CTNNA2: variants seen among roughly 807,000 people sequenced by gnomAD.
CTNNA2 encodes the protein catenin alpha 2, also known as catenin alpha-2.
In CTNNA2, 42 loss-of-function variants were observed where a neutral mutation model predicts 101.0. The ratio of observed to expected loss-of-function variants is 0.42; its 90% CI spans 0.32 to 0.54. The LOEUF (loss-of-function observed/expected upper bound fraction) is 0.54, where lower values mean the gene tolerates loss of function less well. Among genes scored for constraint, CTNNA2 ranks in the 20% least tolerant of loss-of-function variants. The pLI is 0.14. For synonymous variants in CTNNA2, 450 were observed against 456.4 expected, an observed-to-expected ratio of 0.99 and a Z score of 0.18; for missense variants, 871 against 1,223.1, an observed-to-expected ratio of 0.71 and a Z score of 4.29.
chr2:79,819,049 G>A (rs1221535347), intron 3 of CTNNA2, among the ~76,000 whole-genome samples: 2 of 149,360 alleles, frequency 1.3e-5, no homozygotes, highest in African/African-American at 5.0e-5. Flanking sequence ...GTATGATCTC[G>A]GTTCACTGCA....
chr2:79,668,026 G>C (rs932211285), intron 2 of CTNNA2, among the ~76,000 whole-genome samples: 3 of 150,274 alleles, frequency 2.0e-5, no homozygotes, highest in East Asian at 2.2e-4. Flanking sequence ...GGATCATGAG[G>C]TCAGGAGATC....
chr2:79,762,582 G>GA (rs923745920), intron 3 of CTNNA2, among the ~76,000 whole-genome samples: 1 of 151,798 alleles, frequency 6.6e-6, no homozygotes, highest in Non-Finnish European at 1.5e-5. Context: ...ATAAGTAATA[G>GA]AAAAAAAATT....
intron 4 of CTNNA2, among the ~76,000 whole-genome samples, chr2:79,405,568 TG>T (rs1295400474): frequency 3.9e-5 from 6 of 151,924 alleles, no homozygotes; most frequent in African/African-American, 1.4e-4. Context: ...TCAAGTGATC[TG>T]CCCACCTCAG....
At chr2:79,936,266 T>C (rs1040421825) in intron 7 of CTNNA2, among the ~76,000 whole-genome samples, 2 of 151,080 alleles carry the variant, frequency 1.3e-5, no homozygotes, top group African/African-American at 4.9e-5. Flanking sequence ...TTTTTCTCTG[T>C]AGTCACCCAG....
In CTNNA2 at chr2:79,302,343, T is replaced by C. The variant is rs552748432; in HGVS notation, c.-405-10366T>C. On this transcript the variant is annotated intron_variant, in intron 2 of 21. Transcript: ENST00000466387. ...GCTCCTTTTGCTTGGAGTGGCCATT[T>C]GCCTTTCTCAGTGTTTAAGGTCAAA... Among the ~76,000 whole-genome samples, 3 of 152,196 alleles carry C rather than the reference T, an allele frequency of 2.0e-5. No homozygotes were observed. The South Asian group carries it at 6.2e-4, about 32-fold the overall frequency.
chr2:79,360,518 T>C (rs776170062), intron 3 of CTNNA2, among the ~76,000 whole-genome samples: 2 of 152,140 alleles, frequency 1.3e-5, no homozygotes, highest in Non-Finnish European at 2.9e-5. Flanking sequence ...ATGGAAGCAT[T>C]TGGACTTATT....
At chr2:80,485,550 T>G (rs1006148696) in intron 9 of CTNNA2, among the ~76,000 whole-genome samples, 1 of 152,180 alleles carries the variant, frequency 6.6e-6, no homozygotes, top group Non-Finnish European at 1.5e-5. Flanking sequence ...AGGAATAACA[T>G]TTTTTCAGAT....
At chr2:80,136,107 A>T (rs542161616) in intron 7 of CTNNA2, among the ~76,000 whole-genome samples, 1 of 152,300 alleles carries the variant, frequency 6.6e-6, no homozygotes, top group Non-Finnish European at 1.5e-5. Context: ...TGGTTTTTGT[A>T]TAGTAGTTGC....
At chr2:79,610,137 T>C (rs1316799964) in intron 1 of CTNNA2, among the ~76,000 whole-genome samples, 1 of 152,104 alleles carries the variant, frequency 6.6e-6, no homozygotes, top group African/African-American at 2.4e-5. Flanking sequence ...TCAAAGAAGA[T>C]ATAAATATGG....
intron 6 of CTNNA2, among the ~76,000 whole-genome samples, chr2:79,877,737 A>G (rs1683134649): frequency 6.6e-6 from 1 of 152,232 alleles, no homozygotes; most frequent in Admixed American, 6.5e-5. Context: ...TCATATAGTG[A>G]AAATTTAAAT....
At chr2:80,120,287 G>T (rs1457630835) in intron 7 of CTNNA2, among the ~76,000 whole-genome samples, 2 of 152,062 alleles carry the variant, frequency 1.3e-5, no homozygotes, top group African/African-American at 4.8e-5. Context: ...GTGAATATAT[G>T]GGTGCAATTT....
intron 4 of CTNNA2, among the ~76,000 whole-genome samples, chr2:79,402,424 A>G (rs1031783756): frequency 1.3e-5 from 2 of 152,000 alleles, no homozygotes; most frequent in Admixed American, 6.6e-5. Context: ...GAAACTGATA[A>G]TACTACTGGA....
At chr2:80,378,359 AAAATAAAT>A (rs70940081) in intron 7 of CTNNA2, among the ~76,000 whole-genome samples, 19,120 of 126,680 alleles carry the variant, frequency 0.15, 1,447 homozygotes, top group African/African-American at 0.19. Context: ...TCTGTCTCAA[AAAATAAAT>A]AAATAAATAA....
intron 7 of CTNNA2, among the ~76,000 whole-genome samples, chr2:79,935,987 C>A (rs1687760967): frequency 2.0e-5 from 3 of 152,232 alleles, no homozygotes; most frequent in Non-Finnish European, 4.4e-5. Flanking sequence ...ATTGAGCAAT[C>A]TGCATGCTGA....
rs1430514843 is a variant in CTNNA2, at chr2:80,303,826, G to T, written c.1057-89385G>T. 3 of 1,504,616 alleles carry T rather than the reference G, an allele frequency of 2.0e-6. No homozygotes were observed. Among genetic ancestry groups the T allele is most frequent in the African/African-American group, 2.8e-5 (2 of 71,676 alleles). 93.2% of individuals were successfully genotyped at this position (1,504,616 alleles called of 1,614,324 possible). On this transcript the variant is annotated intron_variant, in intron 7 of 18. Coordinates refer to ENST00000402739, the MANE Select transcript of CTNNA2 (RefSeq NM_001282597.3). This position sits in a 1 kb window ranked among gnomAD's most constrained non-coding sequence, Gnocchi z 7.7. ...CGAGCAGCAGGAAATCCATTAGCGA[G>T]AATCTTTCCAGAGAGACTGGAGAAT...
chr2:79,821,873 G>GA (rs1444384629), intron 3 of CTNNA2, among the ~76,000 whole-genome samples: 2 of 152,094 alleles, frequency 1.3e-5, no homozygotes, highest in Non-Finnish European at 2.9e-5. Flanking sequence ...TTGATCGACT[G>GA]AAGCCTAGAG....
intron 7 of CTNNA2, among the ~76,000 whole-genome samples, chr2:80,216,364 C>G (rs761892977): frequency 9.2e-5 from 14 of 152,300 alleles, no homozygotes; most frequent in Admixed American, 5.9e-4. Flanking sequence ...GAACTCTGAA[C>G]AGATTCTTTT....
chr2:79,366,768 C>T (rs1677760353), intron 3 of CTNNA2, among the ~76,000 whole-genome samples: 1 of 152,232 alleles, frequency 6.6e-6, no homozygotes, highest in Admixed American at 6.5e-5. Flanking sequence ...CTGCCTTGGA[C>T]TAACATCCAT....
At chr2:79,562,311 C>G (rs1055225091) in intron 1 of CTNNA2, among the ~76,000 whole-genome samples, 3 of 151,988 alleles carry the variant, frequency 2.0e-5, no homozygotes, top group Admixed American at 2.0e-4. Flanking sequence ...GTTTTGATTA[C>G]AGTAGCTTTG....
Sources: allele counts gnomAD v4.1 joint callset (sites outside exome capture counted in the v4.1 genomes callset), GRCh38; gene constraint gnomAD v4.1.1; non-coding constraint Gnocchi (gnomAD v3.1); transcripts MANE v1.5; gene names NCBI Gene and HGNC (gene_info 2026-07-23, HGNC 2026-07-21).